SLC16A10: variants seen among roughly 807,000 people sequenced by gnomAD.
SLC16A10 encodes monocarboxylate transporter 10.
SLC16A10 carries 27 observed loss-of-function variants against 40.0 expected under a neutral mutation model. The ratio of observed to expected loss-of-function variants is 0.67; its 90% confidence interval spans 0.50 to 0.93. SLC16A10 has a LOEUF of 0.93. SLC16A10 is among the 40% of genes least tolerant of loss of function. SLC16A10 has a pLI of 0.00. For missense variants in SLC16A10, 529 were observed against 658.2 expected (o/e 0.80, Z 2.15); for synonymous variants, 213 against 249.8 (o/e 0.85, Z 1.39).
intron 1 of SLC16A10, among the ~76,000 whole-genome samples, chr6:111,140,890 A>C (rs768236960): frequency 6.6e-6 from 1 of 152,100 alleles, no homozygotes; most frequent in Non-Finnish European, 1.5e-5. Flanking sequence ...GGCTCCAGTG[A>C]TCCTCCCGCC....
At position 111,179,028 on chromosome 6, in the gene SLC16A10, TC is replaced by T. The variant is rs747634262; in HGVS notation, c.942+1364del. Reference sequence around the variant, plus strand: ...GAGTAGAAATTCTTTTTCTTTTTTTTCTTTTTTCCAGACAGGGTCTTGTTAA... The same window carrying T: ...GAGTAGAAATTCTTTTTCTTTTTTTTTTTTTTCCAGACAGGGTCTTGTTAA... On this transcript the variant is annotated intron_variant, in intron 3 of 5. Coordinates refer to ENST00000368851, the MANE Select transcript of SLC16A10 (RefSeq NM_018593.5). Among the ~76,000 whole-genome samples, 363 of 152,308 alleles carry T rather than the reference TC, an allele frequency of 2.4e-3. 1 individual carries two copies. The highest frequency in any genetic ancestry group is 4.4e-3 in the Admixed American group (68 of 15,294).
chr6:111,089,910 T>A (rs1167557792), intron 1 of SLC16A10, among the ~76,000 whole-genome samples: 17 of 64,366 alleles, frequency 2.6e-4, no homozygotes, highest in African/African-American at 1.2e-3. Flanking sequence ...GTGGGTGGGT[T>A]TTTTTTTTTT....
intron 1 of SLC16A10, among the ~76,000 whole-genome samples, chr6:111,097,703 A>C (rs1771099077): frequency 6.6e-6 from 1 of 152,168 alleles, no homozygotes; most frequent in Non-Finnish European, 1.5e-5. Context: ...GTGTGCTTTA[A>C]AAAAATTAGT....
In SLC16A10 at chr6:111,222,048, T is replaced by A; in HGVS notation, c.1361T>A (p.Leu454His). 6.2e-7 allele frequency: 1 copy of A among 1,610,728 alleles called. No individual in the cohort carries two copies. Among genetic ancestry groups the A allele is most frequent in the East Asian group, 2.2e-5 (1 of 44,788 alleles). Residue 454 changes from leucine (L) to histidine (H), a missense_variant, in exon 6 of 6, where the codon CTC becomes CAC. Transcript: ENST00000368851. ...KLGSYDVAFY[L>H]AGVPPLIGGA... ...GGCTCCTATGATGTGGCATTCTACCTCGCTGGAGTCCCTCCCCTTATTGGA... is the reference window on the plus strand; with the variant it reads ...GGCTCCTATGATGTGGCATTCTACCACGCTGGAGTCCCTCCCCTTATTGGA...
At chr6:111,151,710 T>G (rs1772175639) in intron 1 of SLC16A10, among the ~76,000 whole-genome samples, 1 of 152,248 alleles carries the variant, frequency 6.6e-6, no homozygotes, top group South Asian at 2.1e-4. Context: ...ATGGCTTTGC[T>G]GTGATTCTGG....
chr6:111,169,795 C>A (rs1772548500), intron 1 of SLC16A10, among the ~76,000 whole-genome samples: 1 of 152,118 alleles, frequency 6.6e-6, no homozygotes, highest in African/African-American at 2.4e-5. Flanking sequence ...TGATTATATC[C>A]TGTTAGTGCT....
chr6:111,096,197 A>C (rs773245527), intron 1 of SLC16A10, among the ~76,000 whole-genome samples: 3 of 152,228 alleles, frequency 2.0e-5, no homozygotes, highest in Non-Finnish European at 4.4e-5. Context: ...TGTTCTTTAG[A>C]ATATTCTCTC....
chr6:111,124,117 G>A (rs1008355523), intron 1 of SLC16A10, among the ~76,000 whole-genome samples: 1 of 152,248 alleles, frequency 6.6e-6, no homozygotes, highest in South Asian at 2.1e-4. Flanking sequence ...TTCATCATAT[G>A]ACTTGAGATG....
At chr6:111,139,092 C>CTTCTTTTTTTT (rs202229156) in intron 1 of SLC16A10, among the ~76,000 whole-genome samples, 39 of 118,836 alleles carry the variant, frequency 3.3e-4, no homozygotes, top group East Asian at 9.6e-4. Context: ...TCTTCTTCTT[C>CTTCTTTTTTTT]TTTTTTTTTT....
intron 1 of SLC16A10, among the ~76,000 whole-genome samples, chr6:111,098,772 C>T (rs887794004): frequency 2.6e-5 from 4 of 152,154 alleles, no homozygotes; most frequent in Non-Finnish European, 5.9e-5. Flanking sequence ...GTTTAAACAA[C>T]GACATTCCAC....
chr6:111,170,504 C>G (rs1447013625), intron 1 of SLC16A10, among the ~76,000 whole-genome samples: 1 of 152,170 alleles, frequency 6.6e-6, no homozygotes, highest in Non-Finnish European at 1.5e-5. Flanking sequence ...CTGGAGTGCG[C>G]AGTGGCGCGA....
intron 3 of SLC16A10, among the ~76,000 whole-genome samples, chr6:111,199,777 T>C (rs987136812): frequency 1.7e-5 from 2 of 117,742 alleles, no homozygotes; most frequent in African/African-American, 5.8e-5. Context: ...TAAATGATGC[T>C]ATGTCATAGA....
At position 111,204,765 on chromosome 6, in the gene SLC16A10, C is replaced by T. The variant is rs527765771; in HGVS notation, c.943-1827C>T. Among the ~76,000 whole-genome samples, 20 of 152,228 alleles carry T rather than the reference C, an allele frequency of 1.3e-4. 1 individual carries two copies. The South Asian group carries it at 3.5e-3, about 27-fold the overall frequency. On this transcript the variant is annotated intron_variant, in intron 3 of 5. Transcript: ENST00000368851. ...GGTGCCAACATTTCCACACAAAATC[C>T]GGATTTCTGACTTTTCTTTTAAACT... is the stretch of plus-strand genomic sequence containing the variant.
chr6:111,109,269 T>C (rs2114454684), intron 1 of SLC16A10, among the ~76,000 whole-genome samples: 1 of 152,302 alleles, frequency 6.6e-6, no homozygotes, highest in Admixed American at 6.5e-5. Context: ...AAACTTGATC[T>C]GCTTTCTGTC....
chr6:111,089,795 A>G (rs966812243), intron 1 of SLC16A10, among the ~76,000 whole-genome samples: 2 of 151,724 alleles, frequency 1.3e-5, no homozygotes, highest in African/African-American at 4.8e-5. Context: ...AACATTTACC[A>G]TATTCCTGCC....
At chr6:111,159,780 TC>T (rs1295165656) in intron 1 of SLC16A10, among the ~76,000 whole-genome samples, 1 of 152,200 alleles carries the variant, frequency 6.6e-6, no homozygotes, top group Non-Finnish European at 1.5e-5. Flanking sequence ...ATGTGAAAGT[TC>T]TTGTTGCTCT....
At chr6:111,173,157 T>C (rs1772619252) in intron 2 of SLC16A10, among the ~76,000 whole-genome samples, 1 of 152,192 alleles carries the variant, frequency 6.6e-6, no homozygotes, top group African/African-American at 2.4e-5. Context: ...GTTATAACAA[T>C]GATTTATCTA....
intron 1 of SLC16A10, among the ~76,000 whole-genome samples, chr6:111,127,974 C>T (rs147808368): frequency 0.015 from 2,307 of 152,220 alleles, 26 homozygotes; most frequent in Middle Eastern, 0.065. Flanking sequence ...GGGTCGTCTT[C>T]CCTATTCACC....
chr6:111,091,855 C>T (rs925303), intron 1 of SLC16A10, among the ~76,000 whole-genome samples: 37,329 of 152,106 alleles, frequency 0.25, 6,110 homozygotes, highest in African/African-American at 0.47. Flanking sequence ...TTATCTAACA[C>T]GCTTTGTTTT....
Sources: allele counts gnomAD v4.1 joint callset (sites outside exome capture counted in the v4.1 genomes callset), GRCh38; gene constraint gnomAD v4.1.1; transcripts MANE v1.5; gene names NCBI Gene and HGNC (gene_info 2026-07-23, HGNC 2026-07-21).